Variants in NELL2 observed in about 807,000 individuals in gnomAD.
NELL2 encodes protein kinase C-binding protein NELL2.
In NELL2, 41 loss-of-function variants were observed where a neutral mutation model predicts 109.6. The ratio of observed to expected loss-of-function variants is 0.37; its 90% CI spans 0.29 to 0.49. NELL2 has a LOEUF of 0.49. NELL2 is among the 20% of genes least tolerant of loss of function. The pLI is 0.98. For missense variants in NELL2, 900 were observed against 1,008.3 expected, an observed-to-expected ratio of 0.89 and a Z score of 1.45; for synonymous variants, 355 against 344.7, an observed-to-expected ratio of 1.03 and a Z score of -0.33.
At chr12:44,736,567 T>C (rs1403059082) in intron 9 of NELL2, among the ~76,000 whole-genome samples, 1 of 151,624 alleles carries the variant, frequency 6.6e-6, no homozygotes, top group East Asian at 1.9e-4. Flanking sequence ...ACATATGTGC[T>C]TTCTTAATGA....
intron 9 of NELL2, among the ~76,000 whole-genome samples, chr12:44,759,983 C>G (rs1464319814): frequency 6.6e-6 from 1 of 152,148 alleles, no homozygotes; most frequent in Non-Finnish European, 1.5e-5. Context: ...TTACTGGGGA[C>G]TTTGGAACCT....
At chr12:44,633,600 T>C (rs983607612) in intron 13 of NELL2, among the ~76,000 whole-genome samples, 12 of 152,132 alleles carry the variant, frequency 7.9e-5, no homozygotes, top group South Asian at 4.1e-4. Context: ...ACACGAAATA[T>C]GTATTCTGTA....
At chr12:44,564,971 T>C (rs972608649) in intron 15 of NELL2, among the ~76,000 whole-genome samples, 2 of 152,288 alleles carry the variant, frequency 1.3e-5, no homozygotes, top group East Asian at 3.9e-4. Context: ...TCTCACAGTG[T>C]GGACCCCCTG....
At chr12:44,549,813 T>C (rs1469623567) in intron 15 of NELL2, among the ~76,000 whole-genome samples, 1 of 152,316 alleles carries the variant, frequency 6.6e-6, no homozygotes. Flanking sequence ...ATAATGTCCA[T>C]GCTACCCAAA....
At chr12:44,514,539 T>C (rs1941163077) in intron 19 of NELL2, among the ~76,000 whole-genome samples, 1 of 150,024 alleles carries the variant, frequency 6.7e-6, no homozygotes, top group Non-Finnish European at 1.5e-5. Flanking sequence ...TATTATTAGT[T>C]ATTGTTGTCA....
intron 3 of NELL2, among the ~76,000 whole-genome samples, chr12:44,792,341 A>T (rs148311920): frequency 6.6e-6 from 1 of 152,148 alleles, no homozygotes; most frequent in Non-Finnish European, 1.5e-5. Context: ...GAGACATGTC[A>T]AGAGATTTTT....
intron 15 of NELL2, among the ~76,000 whole-genome samples, chr12:44,587,307 A>ATTTTT (rs67322195): frequency 7.2e-5 from 7 of 96,646 alleles, no homozygotes; most frequent in African/African-American, 2.9e-4. Context: ...ATATATATAT[A>ATTTTT]TTTTTTTTTA....
chr12:44,792,231 G>T (rs1420035091), intron 3 of NELL2, among the ~76,000 whole-genome samples: 2 of 152,096 alleles, frequency 1.3e-5, no homozygotes, highest in African/African-American at 4.8e-5. Context: ...ACTTTTTAGG[G>T]GAGAAAGCTG....
At chr12:44,845,964 T>C (rs900103415) in intron 2 of NELL2, among the ~76,000 whole-genome samples, 3 of 152,186 alleles carry the variant, frequency 2.0e-5, no homozygotes, top group African/African-American at 7.2e-5. Flanking sequence ...TTCAAGACTT[T>C]AGATTAGAAA....
chr12:44,692,154 G>A (rs1037332060), intron 12 of NELL2, among the ~76,000 whole-genome samples: 1 of 152,116 alleles, frequency 6.6e-6, no homozygotes, highest in Non-Finnish European at 1.5e-5. Context: ...TCTTGTTAGG[G>A]GCTAACGCAG....
intron 15 of NELL2, among the ~76,000 whole-genome samples, chr12:44,600,600 C>A (rs1945182664): frequency 6.6e-6 from 1 of 152,210 alleles, no homozygotes. Context: ...TCTCAGCCAA[C>A]ACATGGGGGC....
At chr12:44,547,765 T>G (rs554390922) in intron 15 of NELL2, among the ~76,000 whole-genome samples, 2 of 152,316 alleles carry the variant, frequency 1.3e-5, no homozygotes, top group African/African-American at 4.8e-5. Context: ...GATTCTGTGC[T>G]CTGCCTGCCC....
intron 2 of NELL2, among the ~76,000 whole-genome samples, chr12:44,837,912 T>C (rs1242104617): frequency 6.6e-6 from 1 of 152,210 alleles, no homozygotes; most frequent in African/African-American, 2.4e-5. Context: ...GTGCCAGTTT[T>C]ATTATAATAC....
chr12:44,824,765 C>G (rs1433137185), intron 2 of NELL2, among the ~76,000 whole-genome samples: 1 of 147,798 alleles, frequency 6.8e-6, no homozygotes. Context: ...GGCAGGAGTG[C>G]AACGGCATGA....
At chr12:44,665,660 C>G in intron 12 of NELL2, 51 bp from the exon 13 acceptor site, 1 of 1,524,620 alleles carries the variant, frequency 6.6e-7, no homozygotes, top group Non-Finnish European at 8.8e-7. Context: ...TATTCTGGAG[C>G]TCCTATATAA....
intron 13 of NELL2, among the ~76,000 whole-genome samples, chr12:44,629,844 C>T (rs942673688): frequency 2.0e-5 from 3 of 152,094 alleles, no homozygotes; most frequent in African/African-American, 7.2e-5. Context: ...GACCTAGAAC[C>T]GTAAGTTCAT....
rs1354659034 is a variant in NELL2 at position 44,883,068 on chromosome 12, T to C, written c.39-7168A>G. ...GGTGTTATGTTGGCCAGGCTGATCTTGAACTCCTTATCTCAAGTGATCAAC... is the reference window on the plus strand; with the variant it reads ...GGTGTTATGTTGGCCAGGCTGATCTCGAACTCCTTATCTCAAGTGATCAAC... On this transcript the variant is annotated intron_variant, in intron 1 of 20. Coordinates refer to the NELL2 transcript ENST00000333837. 3.3e-5 allele frequency among the ~76,000 whole-genome samples: 5 copies of C among 151,128 alleles called. No individual in the cohort carries two copies. In the South Asian group the frequency reaches 6.3e-4, roughly 19 times the overall value.
At chr12:44,864,722 A>G (rs1158370454) in intron 2 of NELL2, among the ~76,000 whole-genome samples, 1 of 152,222 alleles carries the variant, frequency 6.6e-6, no homozygotes, top group Non-Finnish European at 1.5e-5. Context: ...AAATGGACCT[A>G]ACAGACATAT....
chr12:44,708,876 A>C (rs571126130), intron 11 of NELL2, among the ~76,000 whole-genome samples: 1 of 152,308 alleles, frequency 6.6e-6, no homozygotes, highest in Non-Finnish European at 1.5e-5. Context: ...TTGTATTTTT[A>C]AGTATGCTAT....
Sources: allele counts gnomAD v4.1 joint callset (sites outside exome capture counted in the v4.1 genomes callset), GRCh38; gene constraint gnomAD v4.1.1; transcripts MANE v1.5; gene names NCBI Gene and HGNC (gene_info 2026-07-23, HGNC 2026-07-21).